PDE3B: variants seen among roughly 807,000 people sequenced by gnomAD.
The protein encoded by PDE3B is cGMP-inhibited 3',5'-cyclic phosphodiesterase 3B.
In PDE3B, 66 loss-of-function variants were observed where a neutral mutation model predicts 116.8. The ratio of observed to expected loss-of-function variants is 0.56; its 90% CI spans 0.46 to 0.69. The LOEUF (loss-of-function observed/expected upper bound fraction) is 0.69. Ranked by LOEUF, PDE3B falls within the 30% of genes least tolerant of loss-of-function variation. The pLI, the probability that PDE3B is intolerant of heterozygous loss-of-function variation, is 0.00. For missense variants in PDE3B, 1,384 were observed against 1,368.1 expected (o/e 1.01, Z -0.18); for synonymous variants, 595 against 533.6 (o/e 1.12, Z -1.59).
At chr11:14,691,405 A>T (rs1211701169) in intron 1 of PDE3B, among the ~76,000 whole-genome samples, 1 of 152,188 alleles carries the variant, frequency 6.6e-6, no homozygotes, top group Non-Finnish European at 1.5e-5. Context: ...TTATTAAGTG[A>T]TTGCCCCAAA....
At chr11:14,831,541 AC>A in intron 8 of PDE3B, 98 bp from the exon 9 acceptor site, 2 of 644,464 alleles carry the variant, frequency 3.1e-6, no homozygotes, top group South Asian at 7.9e-5. Context: ...AATAGTACTG[AC>A]TTTTTTAAAT....
chr11:14,668,453 G>C (rs943222053), intron 1 of PDE3B, among the ~76,000 whole-genome samples: 2 of 151,948 alleles, frequency 1.3e-5, no homozygotes, highest in African/African-American at 4.8e-5. Flanking sequence ...AAATGTTAAA[G>C]GAAAGACATT....
chr11:14,763,384 T>G (rs1245903405), intron 1 of PDE3B, among the ~76,000 whole-genome samples: 1 of 152,012 alleles, frequency 6.6e-6, no homozygotes, highest in Non-Finnish European at 1.5e-5. Context: ...AGAGTCAACT[T>G]ACCAGAGAAT....
intron 12 of PDE3B, among the ~76,000 whole-genome samples, chr11:14,844,478 G>A (rs1014785895): frequency 2.6e-5 from 4 of 152,226 alleles, no homozygotes; most frequent in African/African-American, 9.6e-5. Context: ...GTGCCAGACA[G>A]TGGGCACAGG....
intron 1 of PDE3B, among the ~76,000 whole-genome samples, chr11:14,738,479 A>C (rs1856664732): frequency 6.6e-6 from 1 of 152,078 alleles, no homozygotes; most frequent in South Asian, 2.1e-4. Context: ...TTTCTTGTAA[A>C]TTTGTTTAAG....
chr11:14,876,487 T>C (rs1555009742), downstream of PDE3B, among the ~76,000 whole-genome samples: 1 of 152,234 alleles, frequency 6.6e-6, no homozygotes, highest in Non-Finnish European at 1.5e-5. Context: ...ACCACCCATA[T>C]GTAGCACATG....
chr11:14,798,196 T>A (rs1482870010), intron 4 of PDE3B, among the ~76,000 whole-genome samples: 2 of 152,176 alleles, frequency 1.3e-5, no homozygotes, highest in East Asian at 3.8e-4. Context: ...AATCATGCGG[T>A]TTTTGTCATT....
At chr11:14,678,420 T>A (rs1261889697) in intron 1 of PDE3B, among the ~76,000 whole-genome samples, 1 of 152,216 alleles carries the variant, frequency 6.6e-6, no homozygotes, top group Non-Finnish European at 1.5e-5. Flanking sequence ...ATTGCCACTG[T>A]TTTCCAGAGT....
chr11:14,667,706 G>T (rs543115999), intron 1 of PDE3B, among the ~76,000 whole-genome samples: 6 of 150,404 alleles, frequency 4.0e-5, no homozygotes, highest in African/African-American at 1.5e-4. Flanking sequence ...GGGGAGGGTG[G>T]AGGGATAGCA....
chr11:14,869,786 A>C lies in PDE3B; in HGVS notation c.*126A>C. 1 of 689,126 alleles carries C rather than the reference A, an allele frequency of 1.5e-6. No homozygotes were observed. The allele number at this position is 689,126 out of a possible 1,614,324, so 42.7% of individuals were successfully genotyped here. A position where few individuals can be genotyped will look rare whatever the true frequency, so the allele number is the denominator to read the frequency against. Reference sequence around the variant, plus strand: ...ACCATTCCCATGTGGACAGGCCTTAATACTGTGAGAGGATCCTTGCTCTGC... The same window carrying C: ...ACCATTCCCATGTGGACAGGCCTTACTACTGTGAGAGGATCCTTGCTCTGC... On this transcript the variant is annotated 3_prime_UTR_variant, in exon 16 of 16. Transcript: ENST00000282096.
At chr11:14,887,719 T>TTGAAGGATGTATGGAGTGG in the PDE3B span, 2 of 780,718 alleles carry the variant, frequency 2.6e-6, no homozygotes, top group South Asian at 5.8e-5. Context: ...TAATGACCAC[T>TTGAAGGATGTATGGAGTGG]CCATACATCC....
At chr11:14,889,078 ATC>A in the PDE3B span, among the ~76,000 whole-genome samples, 1 of 152,186 alleles carries the variant, frequency 6.6e-6, no homozygotes, top group Non-Finnish European at 1.5e-5. Flanking sequence ...ACTTTCAAGA[ATC>A]ACAAAGCAGA....
the PDE3B span, among the ~76,000 whole-genome samples, chr11:14,882,083 T>C: frequency 1.3e-5 from 2 of 152,102 alleles, no homozygotes; most frequent in African/African-American, 4.8e-5. Context: ...ATTCCCATAG[T>C]CCATTCTTTT....
the PDE3B span, among the ~76,000 whole-genome samples, chr11:14,888,431 G>A: frequency 6.6e-6 from 1 of 152,184 alleles, no homozygotes; most frequent in Non-Finnish European, 1.5e-5. Context: ...TGTGCAAAGT[G>A]CTGTTGATGA....
At chr11:14,729,735 C>A (rs963213661) in intron 1 of PDE3B, among the ~76,000 whole-genome samples, 8 of 151,970 alleles carry the variant, frequency 5.3e-5, no homozygotes, top group African/African-American at 9.7e-5. Flanking sequence ...AGTATATAAA[C>A]AAATTTTGAG....
intron 1 of PDE3B, among the ~76,000 whole-genome samples, chr11:14,724,455 C>G (rs1218432258): frequency 2.0e-5 from 3 of 152,106 alleles, no homozygotes; most frequent in East Asian, 1.9e-4. Context: ...CAGAAATGCT[C>G]CAAAATCTGA....
At chr11:14,673,779 C>G (rs1193149657) in intron 1 of PDE3B, 3 of 794,792 alleles carry the variant, frequency 3.8e-6, no homozygotes, top group Non-Finnish European at 6.9e-6. Flanking sequence ...ATGTGGCACT[C>G]CATACACCTG....
the PDE3B span, among the ~76,000 whole-genome samples, chr11:14,878,924 A>T: frequency 6.6e-6 from 1 of 152,136 alleles, no homozygotes; most frequent in Non-Finnish European, 1.5e-5. Flanking sequence ...TAATAAATTA[A>T]GGCTTATATT....
the PDE3B span, among the ~76,000 whole-genome samples, chr11:14,896,039 C>T: frequency 6.6e-6 from 1 of 152,150 alleles, no homozygotes; most frequent in Admixed American, 6.5e-5. Flanking sequence ...GCTAGATCAA[C>T]TTAGAGAAAT....
Sources: gnomAD v4.1 joint callset for allele counts (sites outside exome capture counted in the v4.1 genomes callset) on GRCh38, gnomAD v4.1.1 for gene constraint, MANE v1.5 for transcripts, NCBI Gene and HGNC (gene_info 2026-07-23, HGNC 2026-07-21) for gene names.